The following TBC1D1 variants were observed in gnomAD, a reference collection of about 807,000 sequenced individuals.
TBC1D1 encodes TBC1 domain family member 1, also known as TBC1 (tre-2/USP6, BUB2, cdc16) domain family, member 1.
Under a neutral mutation model 125.6 loss-of-function variants are expected in TBC1D1, and 89 were observed. The ratio of observed to expected loss-of-function variants is 0.71; its 90% CI spans 0.60 to 0.85. The LOEUF is 0.85. Among genes scored for constraint, TBC1D1 ranks in the 40% least tolerant of loss-of-function variants. TBC1D1 has a pLI of 0.00. For synonymous variants in TBC1D1, 565 were observed against 564.1 expected, an observed-to-expected ratio of 1.00 and a Z score of -0.02; for missense variants, 1,377 against 1,469.2, an observed-to-expected ratio of 0.94 and a Z score of 1.03.
intron 2 of TBC1D1, among the ~76,000 whole-genome samples, chr4:37,980,721 C>G (rs749875819): frequency 6.6e-6 from 1 of 152,112 alleles, no homozygotes; most frequent in South Asian, 2.1e-4. Flanking sequence ...TAAGTATTTA[C>G]CTTATGAATA....
chr4:38,044,572 C>A, intron 9 of TBC1D1, 82 bp downstream of exon 9: 1 of 1,371,196 alleles, frequency 7.3e-7, no homozygotes, highest in Non-Finnish European at 9.8e-7. Flanking sequence ...TTTATTCCAT[C>A]AATGTTCATC....
intron 17 of TBC1D1, among the ~76,000 whole-genome samples, chr4:38,119,365 AAG>A (rs1218828748): frequency 6.6e-6 from 1 of 152,134 alleles, no homozygotes; most frequent in African/African-American, 2.4e-5. Flanking sequence ...AGAACCTTTA[AAG>A]AGTTTCCCAT....
At chr4:38,079,378 T>A (rs1756147511) in intron 12 of TBC1D1, among the ~76,000 whole-genome samples, 1 of 152,158 alleles carries the variant, frequency 6.6e-6, no homozygotes, top group African/African-American at 2.4e-5. Flanking sequence ...GTCTTTGGCT[T>A]TGAACTTTGC....
chr4:37,979,159 G>C (rs926571044), intron 2 of TBC1D1, among the ~76,000 whole-genome samples: 1 of 152,198 alleles, frequency 6.6e-6, no homozygotes, highest in African/African-American at 2.4e-5. Context: ...TTACAGATGT[G>C]AGCCACCACA....
chr4:38,035,171 G>A (rs1293288973), intron 7 of TBC1D1, among the ~76,000 whole-genome samples: 2 of 152,174 alleles, frequency 1.3e-5, no homozygotes, highest in African/African-American at 2.4e-5. Flanking sequence ...GAACACATTC[G>A]ACATAGGAAA....
intron 2 of TBC1D1, among the ~76,000 whole-genome samples, chr4:37,941,475 C>T (rs1725562079): frequency 1.3e-5 from 2 of 152,182 alleles, no homozygotes; most frequent in Admixed American, 6.5e-5. Context: ...AAAAAACCAG[C>T]TGCTAGATTC....
intron 19 of TBC1D1, among the ~76,000 whole-genome samples, chr4:38,136,659 G>A (rs758799112): frequency 9.9e-5 from 15 of 152,156 alleles, no homozygotes; most frequent in Non-Finnish European, 1.6e-4. Flanking sequence ...GCCCGAAATC[G>A]ATTTGTGCGT....
intron 2 of TBC1D1, among the ~76,000 whole-genome samples, chr4:37,931,881 C>A (rs2152290112): frequency 6.6e-6 from 1 of 152,304 alleles, no homozygotes; most frequent in South Asian, 2.1e-4. Flanking sequence ...TACCTCAAAT[C>A]TAATTTACTT....
At chr4:38,107,635 T>C (rs904328355) in intron 15 of TBC1D1, among the ~76,000 whole-genome samples, 1 of 122,590 alleles carries the variant, frequency 8.2e-6, no homozygotes, top group African/African-American at 3.2e-5. Flanking sequence ...GTAAGAATAA[T>C]AGGCCTCATG....
chr4:38,053,157 G>A (rs1241725003), intron 11 of TBC1D1: 2 of 1,535,850 alleles, frequency 1.3e-6, no homozygotes, highest in Admixed American at 2.1e-5. Context: ...CTTCCTCTGT[G>A]CCAAATTTTC....
At position 38,119,199 on chromosome 4, in the gene TBC1D1, T is replaced by C. The variant is rs993525962; in HGVS notation, c.2962+1007T>C. On this transcript the variant is annotated intron_variant, in intron 17 of 19. Transcript: ENST00000261439. ...ATCTTAAGGGAAATGTTCAAAGACATTGATACTACTTCAGACATGCTTTGG... is the reference window on the plus strand; with the variant it reads ...ATCTTAAGGGAAATGTTCAAAGACACTGATACTACTTCAGACATGCTTTGG... Among the ~76,000 whole-genome samples, 9 of 152,210 alleles carry C rather than the reference T, an allele frequency of 5.9e-5. No homozygotes were observed. In the East Asian group the frequency reaches 1.7e-3, roughly 29 times the overall value.
chr4:37,958,770 T>C (rs1056680945), intron 2 of TBC1D1, among the ~76,000 whole-genome samples: 2 of 152,224 alleles, frequency 1.3e-5, no homozygotes, highest in African/African-American at 4.8e-5. Flanking sequence ...TTCCTGCTAA[T>C]GGTATAATGA....
intron 2 of TBC1D1, among the ~76,000 whole-genome samples, chr4:37,917,992 C>T (rs1444814464): frequency 6.6e-6 from 1 of 152,128 alleles, no homozygotes; most frequent in Non-Finnish European, 1.5e-5. Context: ...ACTTAGAGCC[C>T]ATAGTTGCCC....
At chr4:38,016,805 G>A (rs986941238) in intron 3 of TBC1D1, among the ~76,000 whole-genome samples, 4 of 152,192 alleles carry the variant, frequency 2.6e-5, no homozygotes, top group Non-Finnish European at 5.9e-5. Flanking sequence ...CAACTTTATG[G>A]GTCTTGGTCA....
chr4:38,017,890 A>G (rs1743139053), intron 3 of TBC1D1, among the ~76,000 whole-genome samples: 1 of 152,250 alleles, frequency 6.6e-6, no homozygotes, highest in Non-Finnish European at 1.5e-5. Flanking sequence ...ATTGATGCTC[A>G]TACTCTAACT....
chr4:37,962,451 C>T (rs1730239027), intron 2 of TBC1D1, among the ~76,000 whole-genome samples: 1 of 152,204 alleles, frequency 6.6e-6, no homozygotes, highest in South Asian at 2.1e-4. Context: ...AATGGATATG[C>T]AACCTTGGGC....
intron 12 of TBC1D1, among the ~76,000 whole-genome samples, chr4:38,084,969 G>C (rs1757221767): frequency 1.3e-5 from 2 of 152,218 alleles, no homozygotes; most frequent in South Asian, 4.1e-4. Context: ...GTGCAAGAAA[G>C]AAGCCCTGTA....
intron 8 of TBC1D1, among the ~76,000 whole-genome samples, chr4:38,042,771 A>AG (rs1748642593): frequency 6.6e-6 from 1 of 152,222 alleles, no homozygotes; most frequent in Non-Finnish European, 1.5e-5. Flanking sequence ...AACCCCTGGC[A>AG]AATGCTCACT....
In TBC1D1 at chr4:38,040,866, T is replaced by C. The variant is rs189372594; in HGVS notation, c.1414-3496T>C. ...CATTTAGCAGGCACTTGGTCACTAT[T>C]TGCTGAGTGAGTCTGTTACCTTAGG... On this transcript the variant is annotated intron_variant, in intron 8 of 19. Transcript: ENST00000261439. 1.1e-3 allele frequency among the ~76,000 whole-genome samples: 161 copies of C among 152,324 alleles called. 1 individual carries two copies. Among genetic ancestry groups the C allele is most frequent in the Non-Finnish European group, 1.5e-4 (10 of 68,018 alleles).
Sources: allele counts gnomAD v4.1 joint callset (sites outside exome capture counted in the v4.1 genomes callset), GRCh38; gene constraint gnomAD v4.1.1; transcripts MANE v1.5; gene names NCBI Gene and HGNC (gene_info 2026-07-23, HGNC 2026-07-21).